AFF1: variants seen among roughly 807,000 people sequenced by gnomAD.
The protein encoded by AFF1 is ALF transcription elongation factor 1, also known as AF4/FMR2 family member 1.
Under a neutral mutation model 121.7 loss-of-function variants are expected in AFF1, and 48 were observed. The observed-to-expected ratio is 0.39, with a 90% CI of 0.31 to 0.50. The LOEUF is 0.50. Ranked by LOEUF, AFF1 falls within the 20% of genes least tolerant of loss-of-function variation. The probability of loss-of-function intolerance (pLI) is 0.76; values close to 1 mark genes in which losing one functional copy is unlikely to be tolerated. For missense variants in AFF1, 1,523 were observed against 1,511.7 expected, an observed-to-expected ratio of 1.01 and a Z score of -0.12; for synonymous variants, 613 against 563.0, an observed-to-expected ratio of 1.09 and a Z score of -1.26.
intron 2 of AFF1, among the ~76,000 whole-genome samples, chr4:86,977,123 TCCC>T (rs1345374820): frequency 6.6e-6 from 1 of 152,010 alleles, no homozygotes; most frequent in Non-Finnish European, 1.5e-5. Context: ...CAGTAAGTAG[TCCC>T]CCCATATGAG....
intron 19 of AFF1, 136 bp from the exon 20 acceptor site, chr4:87,134,335 T>G (rs1051878794): frequency 1.4e-5 from 11 of 799,540 alleles, no homozygotes; most frequent in East Asian, 1.0e-4. Context: ...AGGAGTGACT[T>G]TAGCAGTGGT....
At chr4:87,095,265 C>T (rs1243370642) in intron 8 of AFF1, among the ~76,000 whole-genome samples, 1 of 152,120 alleles carries the variant, frequency 6.6e-6, no homozygotes, top group Non-Finnish European at 1.5e-5. Context: ...ACTACAGGTG[C>T]CCACCACCAT....
intron 2 of AFF1, among the ~76,000 whole-genome samples, chr4:87,040,371 A>T (rs959532174): frequency 2.0e-5 from 3 of 152,116 alleles, no homozygotes; most frequent in Admixed American, 2.0e-4. Flanking sequence ...GTTGATGTGT[A>T]CCTTTTTGAG....
intron 4 of AFF1, among the ~76,000 whole-genome samples, chr4:87,076,794 T>A (rs1231341051): frequency 4.6e-5 from 7 of 152,276 alleles, no homozygotes; most frequent in African/African-American, 1.7e-4. Flanking sequence ...ATGATGCTTC[T>A]GAAAGTAGAA....
At chr4:86,973,878 T>C (rs1415884954) in intron 2 of AFF1, 2 of 152,164 alleles carry the variant, frequency 1.3e-5, no homozygotes, top group Non-Finnish European at 2.9e-5. Flanking sequence ...ATCTGATAGA[T>C]CAAAGATGAC....
intron 2 of AFF1, among the ~76,000 whole-genome samples, chr4:86,993,857 G>A (rs1260819442): frequency 6.6e-6 from 1 of 152,140 alleles, no homozygotes; most frequent in African/African-American, 2.4e-5. Context: ...CCAGCTACTC[G>A]GGAGGCTAAG....
At chr4:87,021,443 A>G (rs373228793) in intron 2 of AFF1, among the ~76,000 whole-genome samples, 24 of 152,340 alleles carry the variant, frequency 1.6e-4, no homozygotes, top group African/African-American at 5.3e-4. Flanking sequence ...TGTATTTTTA[A>G]TGTAACTCTG....
Position 87,089,382 on chromosome 4 carries a change from T to C in AFF1, c.1105-602T>C, listed in dbSNP as rs934522314. On this transcript the variant is annotated intron_variant, in intron 5 of 20. Transcript: ENST00000395146. Reference sequence around the variant, plus strand: ...ATCTTTCCTTCAACTGAGAAAATTGTAAAAATTAAGCTTCTCAATGGAAAA... The same window carrying C: ...ATCTTTCCTTCAACTGAGAAAATTGCAAAAATTAAGCTTCTCAATGGAAAA... Among the ~76,000 whole-genome samples, 4 of 152,336 alleles carry C rather than the reference T, an allele frequency of 2.6e-5. No individual in the cohort carries two copies. The East Asian group carries it at 7.7e-4, about 29-fold the overall frequency.
chr4:87,068,257 G>GTCCC (rs1721585457), intron 4 of AFF1, among the ~76,000 whole-genome samples: 1 of 120,132 alleles, frequency 8.3e-6, no homozygotes, highest in Non-Finnish European at 1.7e-5. Flanking sequence ...CATGAAAATT[G>GTCCC]CCCCCCCCCC....
At chr4:87,084,392 A>C (rs1175921930) in intron 5 of AFF1, among the ~76,000 whole-genome samples, 5 of 151,802 alleles carry the variant, frequency 3.3e-5, no homozygotes, top group Non-Finnish European at 7.4e-5. Context: ...AAATACAAAA[A>C]ATTAGCCAGG....
chr4:87,006,869 G>T (rs71605701), intron 2 of AFF1: 64,019 of 782,236 alleles, frequency 0.082, 2,882 homozygotes, highest in Non-Finnish European at 0.091. Flanking sequence ...GCCGCTTGCC[G>T]CCTGCCTTTG....
chr4:87,101,509 G>A (rs1206615688), intron 8 of AFF1, among the ~76,000 whole-genome samples: 3 of 151,874 alleles, frequency 2.0e-5, no homozygotes, highest in African/African-American at 4.8e-5. Context: ...CCTGGACGGC[G>A]AAGAGTTTGC....
At chr4:87,058,300 G>T (rs891672826) in intron 4 of AFF1, among the ~76,000 whole-genome samples, 1 of 152,166 alleles carries the variant, frequency 6.6e-6, no homozygotes, top group Non-Finnish European at 1.5e-5. Context: ...TATTTAAAGT[G>T]TGCTGTTTTT....
intron 2 of AFF1, among the ~76,000 whole-genome samples, chr4:86,969,879 C>CAAAAACAAAAAAAA (rs1722814724): frequency 1.6e-5 from 1 of 63,610 alleles, no homozygotes. Flanking sequence ...GACTCCGTCT[C>CAAAAACAAAAAAAA]AAAAAAAAAA....
intron 2 of AFF1, among the ~76,000 whole-genome samples, chr4:86,962,826 T>G (rs1386313771): frequency 6.6e-6 from 1 of 152,160 alleles, no homozygotes; most frequent in African/African-American, 2.4e-5. Context: ...CATTTCATAT[T>G]TACTACTAAA....
chr4:87,123,861 A>G (rs1434530277), intron 12 of AFF1, among the ~76,000 whole-genome samples: 1 of 152,134 alleles, frequency 6.6e-6, no homozygotes, highest in Non-Finnish European at 1.5e-5. Context: ...TTAAGAGAGG[A>G]TTTCAGGTTT....
Position 87,138,255 on chromosome 4 carries a change from T to C in AFF1, c.*2554T>C, listed in dbSNP as rs1729455069. 4.3e-6 allele frequency: 1 copy of C among 232,724 alleles called. No homozygotes were observed. The highest frequency in any genetic ancestry group is 6.1e-5 in the East Asian group (1 of 16,472). The allele number at this position is 232,724 out of a possible 1,614,324, so 14.4% of individuals were successfully genotyped here. ...TAGGGTCTTTTTGCTGTTACGGTTG[T>C]ATATAGAGGTCTGAAGGATTTTTAA... On this transcript the variant is annotated 3_prime_UTR_variant, in exon 21 of 21. Coordinates refer to ENST00000395146, the MANE Select transcript of AFF1 (RefSeq NM_001166693.3).
intron 8 of AFF1, among the ~76,000 whole-genome samples, chr4:87,095,244 G>C (rs1413548644): frequency 6.6e-6 from 1 of 152,110 alleles, no homozygotes; most frequent in Non-Finnish European, 1.5e-5. Flanking sequence ...TCAGCCTCCT[G>C]AGTAGTTGGG....
intron 16 of AFF1, among the ~76,000 whole-genome samples, chr4:87,129,090 T>G (rs1474594625): frequency 6.6e-6 from 1 of 152,262 alleles, no homozygotes; most frequent in Non-Finnish European, 1.5e-5. Flanking sequence ...CTAAGGTGAC[T>G]GTACATCCCA....
Sources: allele counts gnomAD v4.1 joint callset (sites outside exome capture counted in the v4.1 genomes callset), GRCh38; gene constraint gnomAD v4.1.1; transcripts MANE v1.5; gene names NCBI Gene and HGNC (gene_info 2026-07-23, HGNC 2026-07-21).